Variants in CPNE4 observed in about 807,000 individuals in gnomAD.
CPNE4 encodes the protein copine 4, also known as copine-4.
A neutral mutation model predicts 67.9 loss-of-function variants in CPNE4; 25 were observed. That is an observed-to-expected ratio of 0.37 (90% confidence interval 0.27 to 0.51). The LOEUF (loss-of-function observed/expected upper bound fraction) is 0.51, where lower values mean the gene tolerates loss of function less well. Among genes scored for constraint, CPNE4 ranks in the 20% least tolerant of loss-of-function variants. CPNE4 has a pLI of 0.93. For missense variants in CPNE4, 464 were observed against 690.8 expected (o/e 0.67, Z 3.68); for synonymous variants, 242 against 244.9 (o/e 0.99, Z 0.11).
intron 2 of CPNE4, among the ~76,000 whole-genome samples, chr3:131,842,167 A>G (rs1583306068): frequency 1.3e-5 from 2 of 152,242 alleles, no homozygotes; most frequent in Admixed American, 1.3e-4. Context: ...ATGAGAAAGC[A>G]TATTTTGGTT....
chr3:131,777,090 G>A (rs975415635), intron 2 of CPNE4, among the ~76,000 whole-genome samples: 1 of 152,082 alleles, frequency 6.6e-6, no homozygotes, highest in African/African-American at 2.4e-5. Context: ...CCCACACACA[G>A]ATTTCGCCTC....
At chr3:131,699,860 C>T (rs753464217) in intron 4 of CPNE4, 49 bp downstream of exon 4, 2 of 1,551,196 alleles carry the variant, frequency 1.3e-6, no homozygotes, top group Non-Finnish European at 1.8e-6. Context: ...GGCCAGTCCG[C>T]CCAGGCTCTC....
At chr3:131,547,010 A>G (rs895938195) in intron 14 of CPNE4, among the ~76,000 whole-genome samples, 1 of 152,206 alleles carries the variant, frequency 6.6e-6, no homozygotes, top group African/African-American at 2.4e-5. Flanking sequence ...ATAAAATAAA[A>G]TAATGGTCAC....
intron 10 of CPNE4, among the ~76,000 whole-genome samples, chr3:131,573,102 A>T (rs1044289719): frequency 6.6e-6 from 1 of 152,134 alleles, no homozygotes; most frequent in African/African-American, 2.4e-5. Context: ...TGTTTCCTTT[A>T]GTAGAACACT....
chr3:131,656,568 T>C, intron 7 of CPNE4, among the ~76,000 whole-genome samples: 1 of 152,242 alleles, frequency 6.6e-6, no homozygotes, highest in Non-Finnish European at 1.5e-5. Context: ...TCTATCCATC[T>C]ATTCATTCTT....
At chr3:131,805,327 GAGAT>G (rs2107924642) in intron 2 of CPNE4, among the ~76,000 whole-genome samples, 1 of 152,324 alleles carries the variant, frequency 6.6e-6, no homozygotes, top group South Asian at 2.1e-4. Flanking sequence ...GCAAGATAAA[GAGAT>G]GGATGGAAAA....
chr3:131,744,680 C>T (rs770798699), intron 2 of CPNE4, among the ~76,000 whole-genome samples: 1 of 152,188 alleles, frequency 6.6e-6, no homozygotes. Flanking sequence ...TAAATTGACT[C>T]ATACAGTATG....
At chr3:131,936,670 C>CA in intron 1 of CPNE4, among the ~76,000 whole-genome samples, 1 of 151,696 alleles carries the variant, frequency 6.6e-6, no homozygotes, top group East Asian at 1.9e-4. Flanking sequence ...ATCTTACAGA[C>CA]AAAGCATAGT....
At chr3:131,793,704 T>G (rs1305475335) in intron 2 of CPNE4, among the ~76,000 whole-genome samples, 1 of 152,220 alleles carries the variant, frequency 6.6e-6, no homozygotes, top group Non-Finnish European at 1.5e-5. Flanking sequence ...TATTTAATAC[T>G]CAGATTGGCA....
At chr3:131,909,592 T>TA (rs199881517) in intron 1 of CPNE4, among the ~76,000 whole-genome samples, 83 of 151,412 alleles carry the variant, frequency 5.5e-4, no homozygotes, top group African/African-American at 1.7e-3. Context: ...TTATTGAATG[T>TA]AAAAAAAAAT....
intron 2 of CPNE4, among the ~76,000 whole-genome samples, chr3:131,778,987 G>A (rs2083362692): frequency 6.6e-6 from 1 of 151,996 alleles, no homozygotes; most frequent in Non-Finnish European, 1.5e-5. Context: ...CTTCAACAAA[G>A]TTTTATGATA....
chr3:131,595,819 A>T (rs999749179), intron 7 of CPNE4, among the ~76,000 whole-genome samples: 3 of 152,206 alleles, frequency 2.0e-5, no homozygotes, highest in African/African-American at 7.2e-5. Flanking sequence ...TTTGGAAGGG[A>T]TGAATATCCA....
At chr3:131,580,894 C>A (rs1937783230) in intron 9 of CPNE4, among the ~76,000 whole-genome samples, 1 of 152,140 alleles carries the variant, frequency 6.6e-6, no homozygotes, top group Non-Finnish European at 1.5e-5. Flanking sequence ...ACTGGACAGG[C>A]TGGGCACGGT....
In CPNE4 at chr3:132,035,006, C is replaced by T; in HGVS notation, c.-441G>A. On this transcript the variant is annotated 5_prime_UTR_variant, in exon 1 of 16. In the 5' UTR this introduces an upstream ATG that the reference lacks. Coordinates refer to ENST00000429747, the MANE Select transcript of CPNE4 (RefSeq NM_130808.3). ...GCAGCTTCTCACAGAGAGATTTCCA[C>T]CTTCTGACGAATCCCATGCACCCAG... 1 of 985,194 alleles carries T rather than the reference C, an allele frequency of 1.0e-6. No individual in the cohort carries two copies. The highest frequency in any genetic ancestry group is 1.8e-5 in the African/African-American group (1 of 57,080). The allele number at this position is 985,194 out of a possible 1,614,324, so 61.0% of individuals were successfully genotyped here.
At chr3:131,899,337 C>G (rs73206047) in intron 2 of CPNE4, among the ~76,000 whole-genome samples, 11,482 of 152,116 alleles carry the variant, frequency 0.075, 585 homozygotes, top group East Asian at 0.17. Flanking sequence ...ATTAAAGACC[C>G]CACATTGCCA....
chr3:132,025,772 CAA>C (rs2107695532), intron 1 of CPNE4, among the ~76,000 whole-genome samples: 1 of 152,286 alleles, frequency 6.6e-6, no homozygotes, highest in East Asian at 1.9e-4. Context: ...AACTGAGCTT[CAA>C]CAGGTTAAGC....
intron 2 of CPNE4, among the ~76,000 whole-genome samples, chr3:131,778,477 A>G (rs1004810699): frequency 1.3e-5 from 2 of 152,110 alleles, no homozygotes; most frequent in African/African-American, 4.8e-5. Flanking sequence ...GTAGAGTGGG[A>G]ATTATCATCA....
intron 1 of CPNE4, among the ~76,000 whole-genome samples, chr3:131,973,884 G>T (rs897721027): frequency 2.0e-5 from 3 of 152,150 alleles, no homozygotes; most frequent in African/African-American, 4.8e-5. Flanking sequence ...CAAGCGTAAC[G>T]TTATTTTTTA....
intron 1 of CPNE4, among the ~76,000 whole-genome samples, chr3:131,921,151 G>A (rs903382120): frequency 6.6e-6 from 1 of 152,144 alleles, no homozygotes; most frequent in Non-Finnish European, 1.5e-5. Context: ...CTTCCCCCAA[G>A]AAGAAATGAT....
Sources: gnomAD v4.1 joint callset for allele counts (sites outside exome capture counted in the v4.1 genomes callset) on GRCh38, gnomAD v4.1.1 for gene constraint, MANE v1.5 for transcripts, NCBI Gene and HGNC (gene_info 2026-07-23, HGNC 2026-07-21) for gene names.